SSH2: variants seen among roughly 807,000 people sequenced by gnomAD.
SSH2 encodes the protein protein phosphatase Slingshot homolog 2.
In SSH2, 37 loss-of-function variants were observed where a neutral mutation model predicts 135.2. That is an observed-to-expected ratio of 0.27 (90% CI 0.21 to 0.36). The LOEUF (loss-of-function observed/expected upper bound fraction) is 0.36, where lower values mean the gene tolerates loss of function less well. Among genes scored for constraint, SSH2 ranks in the 10% least tolerant of loss-of-function variants. The pLI is 1.00. For missense variants in SSH2, 1,408 were observed against 1,765.3 expected, an observed-to-expected ratio of 0.80 and a Z score of 3.63; for synonymous variants, 628 against 646.2, an observed-to-expected ratio of 0.97 and a Z score of 0.43.
At position 29,655,622 on chromosome 17, in the gene SSH2, A is replaced by G. The variant is rs1366064506; in HGVS notation, c.1033-15T>C. On this transcript the variant is annotated splice_polypyrimidine_tract_variant and intron_variant, in intron 11 of 15. Coordinates refer to ENST00000540801, the MANE Select transcript of SSH2 (RefSeq NM_001282129.2). ...CATTCTGAGCCCTATGGAGCCAAAA[A>G]GACAAGGTTAAGGAGTATTAGCAAA... 1 of 1,613,312 alleles carries G rather than the reference A, an allele frequency of 6.2e-7. No individual in the cohort carries two copies. Among genetic ancestry groups the G allele is most frequent in the Non-Finnish European group, 8.5e-7 (1 of 1,179,256 alleles).
chr17:29,723,262 C>T (rs2039881983), intron 3 of SSH2, among the ~76,000 whole-genome samples: 1 of 152,200 alleles, frequency 6.6e-6, no homozygotes, highest in Non-Finnish European at 1.5e-5. Context: ...GTACAGAAAA[C>T]TCATGTAAAA....
At chr17:29,914,573 A>C (rs1478853343) in intron 1 of SSH2, among the ~76,000 whole-genome samples, 4 of 150,962 alleles carry the variant, frequency 2.6e-5, no homozygotes, top group African/African-American at 9.8e-5. Flanking sequence ...AAAAAAAAAA[A>C]ACAAACAAAA....
chr17:29,861,094 T>G (rs2151406439), intron 1 of SSH2, among the ~76,000 whole-genome samples: 1 of 152,254 alleles, frequency 6.6e-6, no homozygotes, highest in Middle Eastern at 3.4e-3. Flanking sequence ...CTTGTATATC[T>G]GTTTAAGTTC....
intron 11 of SSH2, among the ~76,000 whole-genome samples, chr17:29,665,239 A>G (rs1186379322): frequency 6.6e-6 from 1 of 152,226 alleles, no homozygotes; most frequent in East Asian, 1.9e-4. Flanking sequence ...TGCAAATGGA[A>G]AAGCCAATGA....
intron 3 of SSH2, among the ~76,000 whole-genome samples, chr17:29,770,669 C>T (rs2041563339): frequency 1.3e-5 from 2 of 151,374 alleles, no homozygotes; most frequent in South Asian, 4.2e-4. Context: ...GATGAGGTTT[C>T]ACCATGTTGG....
chr17:29,811,782 G>A (rs62068615), intron 2 of SSH2, among the ~76,000 whole-genome samples: 6,895 of 152,152 alleles, frequency 0.045, 211 homozygotes, highest in Non-Finnish European at 0.07. Context: ...GTCTAGGCTG[G>A]TCTTGAACTC....
intron 11 of SSH2, among the ~76,000 whole-genome samples, chr17:29,661,947 C>G (rs984844710): frequency 2.6e-5 from 4 of 152,120 alleles, no homozygotes; most frequent in Admixed American, 2.0e-4. Context: ...CTAGAGACCA[C>G]TTGGTATAAT....
At chr17:29,709,166 T>TAC (rs1567903626) in intron 3 of SSH2, among the ~76,000 whole-genome samples, 4 of 151,934 alleles carry the variant, frequency 2.6e-5, no homozygotes, top group African/African-American at 9.7e-5. Context: ...ACCCCCAATA[T>TAC]ACATGTAAGA....
At chr17:29,682,347 A>G (rs1340845342) in intron 6 of SSH2, among the ~76,000 whole-genome samples, 2 of 152,214 alleles carry the variant, frequency 1.3e-5, no homozygotes, top group Non-Finnish European at 1.5e-5. Context: ...GTGCTGTCCA[A>G]CTGAACTTTC....
chr17:29,648,551 T>C (rs2150996538), intron 13 of SSH2, among the ~76,000 whole-genome samples: 1 of 152,380 alleles, frequency 6.6e-6, no homozygotes, highest in East Asian at 1.9e-4. Context: ...TTATTCAATG[T>C]TAATATTATG....
rs1429739888 is a variant in SSH2 at position 29,913,347 on chromosome 17, A to ATTATATATATATATAT, written c.63+16590_63+16591insATATATATATATATAA. On this transcript the variant is annotated intron_variant, in intron 1 of 15. Transcript: ENST00000540801. ...AAAAAAAAAAAAAAAAAAAAAAAAA[A>ATTATATATATATATAT]ATATATATATATATATATATATATA... Among the ~76,000 whole-genome samples, 3 of 28,786 alleles carry ATTATATATATATATAT rather than the reference A, an allele frequency of 1.0e-4. 1 individual carries two copies. Among genetic ancestry groups the ATTATATATATATATAT allele is most frequent in the Admixed American group, 1.5e-3 (2 of 1,362 alleles). 18.9% of individuals were successfully genotyped at this position (28,786 alleles called of 152,430 possible). A position where few individuals can be genotyped will look rare whatever the true frequency, so the allele number is the denominator to read the frequency against.
chr17:29,755,656 C>A (rs981684769), intron 3 of SSH2, among the ~76,000 whole-genome samples: 1 of 151,028 alleles, frequency 6.6e-6, no homozygotes, highest in African/African-American at 2.4e-5. Context: ...TTTTAATTTT[C>A]TTTTCTTTTT....
At chr17:29,809,232 C>T (rs1049226673) in intron 2 of SSH2, among the ~76,000 whole-genome samples, 1 of 152,196 alleles carries the variant, frequency 6.6e-6, no homozygotes, top group Non-Finnish European at 1.5e-5. Context: ...CCAGCCTGGG[C>T]AACAGAGTGA....
chr17:29,914,719 T>C (rs767281064), intron 1 of SSH2, among the ~76,000 whole-genome samples: 13 of 152,184 alleles, frequency 8.5e-5, no homozygotes, highest in Non-Finnish European at 1.5e-4. Context: ...TAAAAGTTCA[T>C]TGCATCTCTA....
intron 2 of SSH2, among the ~76,000 whole-genome samples, chr17:29,800,820 C>T (rs1567982429): frequency 2.0e-5 from 3 of 151,236 alleles, no homozygotes; most frequent in Admixed American, 2.0e-4. Flanking sequence ...TAAGGTATTA[C>T]ATTTAATTTT....
Position 29,631,178 on chromosome 17 carries a change from C to T in SSH2, c.4016G>A (p.Gly1339Asp). 6.2e-7 allele frequency: 1 copy of T among 1,614,144 alleles called. No homozygotes were observed. Residue 1339 changes from glycine (G) to aspartate (D), a missense_variant, in exon 16 of 16, where the codon GGT (glycine) becomes GAT (aspartate). This residue lies in a region of SSH2 where 1,080 missense variants were observed against 1,144.5 expected (regional missense o/e 0.94). Transcript: ENST00000540801. Reference protein sequence around the residue: ...MEDQESLENPGAPHNPEPTKS... With the variant: ...MEDQESLENPDAPHNPEPTKS... ...GGTGGGCTCTGGGTTGTGGGGGGCACCTGGGTTTTCTAGGGACTCTTGGTC... is the reference window on the plus strand; with the variant it reads ...GGTGGGCTCTGGGTTGTGGGGGGCATCTGGGTTTTCTAGGGACTCTTGGTC...
chr17:29,898,495 T>C (rs1172704128), intron 1 of SSH2, among the ~76,000 whole-genome samples: 2 of 152,064 alleles, frequency 1.3e-5, no homozygotes, highest in African/African-American at 2.4e-5. Flanking sequence ...GAGAATACTA[T>C]AAACACCTCT....
rs778334919 is a variant in SSH2, at chr17:29,778,646, AT to A, written c.188+15247del. 1.8e-4 allele frequency among the ~76,000 whole-genome samples: 24 copies of A among 133,224 alleles called. No homozygotes were observed. The East Asian group carries it at 4.4e-3, about 25-fold the overall frequency. The allele number at this position is 133,224 out of a possible 152,430, so 87.4% of individuals were successfully genotyped here. A position where few individuals can be genotyped will look rare whatever the true frequency, so the allele number is the denominator to read the frequency against. On this transcript the variant is annotated intron_variant, in intron 3 of 15. Transcript: ENST00000540801. ...CAAGAGTGAGATTCTGTCTAAAAAA[AT>A]AAATAAATAAATAAAAATAAATAAA...
intron 1 of SSH2, among the ~76,000 whole-genome samples, chr17:29,886,808 C>T (rs190779936): frequency 2.0e-5 from 3 of 151,628 alleles, no homozygotes; most frequent in Admixed American, 2.0e-4. Flanking sequence ...GAAAATAACC[C>T]ATTTTCTGGG....
Sources: allele counts gnomAD v4.1 joint callset (sites outside exome capture counted in the v4.1 genomes callset), GRCh38; gene constraint gnomAD v4.1.1; regional missense constraint gnomAD v4.1.1; transcripts MANE v1.5; gene names NCBI Gene and HGNC (gene_info 2026-07-23, HGNC 2026-07-21).